PPRC1: variants seen among roughly 807,000 people sequenced by gnomAD.
The protein encoded by PPRC1 is PPARG related coactivator 1, also known as peroxisome proliferator-activated receptor gamma coactivator-related protein 1.
Under a neutral mutation model 132.5 loss-of-function variants are expected in PPRC1, and 23 were observed. That is an observed-to-expected ratio of 0.17 (90% confidence interval 0.12 to 0.25). The LOEUF is 0.25. Ranked by LOEUF, PPRC1 falls within the 10% of genes least tolerant of loss-of-function variation. PPRC1 has a pLI of 1.00. For missense variants in PPRC1, 2,006 were observed against 2,089.1 expected, an observed-to-expected ratio of 0.96 and a Z score of 0.78; for synonymous variants, 872 against 833.5, an observed-to-expected ratio of 1.05 and a Z score of -0.80.
rs373232249 is a variant in PPRC1 at position 102,140,680 on chromosome 10, T to C, written c.2172T>C (p.Pro724=). 1 of 1,614,038 alleles carries C rather than the reference T, an allele frequency of 6.2e-7. No homozygotes were observed. The highest frequency in any genetic ancestry group is 8.5e-7 in the Non-Finnish European group (1 of 1,180,004). Residue 724 remains proline, a synonymous_variant, in exon 5 of 14, where the codon CCT becomes CCC. Transcript: ENST00000278070. ...TGGACCCACCAAAGACCATCATCCC[T>C]GAAGTCAAAGAGGTTGTGGATTCTC... is the stretch of plus-strand genomic sequence containing the variant. ...ESLDPPKTII[P]EVKEVVDSLK... is the part of the protein sequence containing the mutation.
Position 102,139,848 on chromosome 10 carries a change from C to G in PPRC1, c.1340C>G (p.Ala447Gly). The change falls in exon 5 of 14, where the codon GCC becomes GGC. Residue 447 changes from alanine (A) to glycine (G), a missense_variant. Ala to Gly is a moderately conservative substitution (Grantham distance 60, BLOSUM62 0). Around this residue, in one of 2 missense-constraint regions of PPRC1, gnomAD observed 1,914 missense variants for 1,917.2 expected, o/e 1.00. Coordinates refer to ENST00000278070, the MANE Select transcript of PPRC1 (RefSeq NM_015062.5). ...VVPKEPQNPP[A>G]NAAPGSQRAR... is the part of the protein sequence containing the mutation. ...CCCAAGGAGCCTCAGAACCCACCTGCCAATGCAGCACCAGGTTCCCAGAGA... is the reference window on the plus strand; with the variant it reads ...CCCAAGGAGCCTCAGAACCCACCTGGCAATGCAGCACCAGGTTCCCAGAGA... The G allele has an allele frequency of 6.2e-7, 1 of 1,614,206 alleles. No homozygotes were observed. Among genetic ancestry groups the G allele is most frequent in the African/African-American group, 1.3e-5 (1 of 75,062 alleles).
At chr10:102,121,581 C>G in the PPRC1 span, among the ~76,000 whole-genome samples, 1 of 152,170 alleles carries the variant, frequency 6.6e-6, no homozygotes, top group Non-Finnish European at 1.5e-5. Flanking sequence ...GCTTTAGCTG[C>G]CTCATAAACA....
chr10:102,149,129 A>G, intron 12 of PPRC1, 49 bp from the exon 13 acceptor site: 2 of 1,538,802 alleles, frequency 1.3e-6, no homozygotes, highest in Non-Finnish European at 1.8e-6. Context: ...CCTCTATGGC[A>G]TGGGCCCATA....
At chr10:102,149,014 T>C in intron 12 of PPRC1, 76 bp downstream of exon 12, 1 of 1,585,318 alleles carries the variant, frequency 6.3e-7, no homozygotes, top group Non-Finnish European at 8.6e-7. Context: ...TCTTGCCTCC[T>C]TGCTCTGGTG....
In PPRC1 at chr10:102,148,658, C is replaced by T. The variant is rs577384027; in HGVS notation, c.4581C>T (p.Tyr1527=). ...RYSSYRSHDH[Y]QRQRVLQKER... is the part of the protein sequence containing the mutation. ...GCTCTTATCGTTCACATGACCATTA[C>T]CAAAGGCAAAGAGTGCTACAAAAGG... Residue 1527 remains tyrosine (Y), a synonymous_variant, in exon 11 of 14, where the codon TAC becomes TAT. Transcript: ENST00000278070. This position sits in a 1 kb window ranked among gnomAD's most constrained non-coding sequence, Gnocchi z 4.2. 2.5e-5 allele frequency: 40 copies of T among 1,614,126 alleles called. 1 individual carries two copies. In the South Asian group the frequency reaches 4.2e-4, roughly 17 times the overall value.
chr10:102,138,594 C>T (rs774599482), intron 2 of PPRC1, 25 bp from the exon 3 acceptor site: 1 of 1,611,974 alleles, frequency 6.2e-7, no homozygotes, highest in Non-Finnish European at 8.5e-7. Context: ...GTTGGTAGGA[C>T]CTTCTGGTTG....
At chr10:102,120,901 C>G in the PPRC1 span, among the ~76,000 whole-genome samples, 1 of 152,146 alleles carries the variant, frequency 6.6e-6, no homozygotes, top group Non-Finnish European at 1.5e-5. Flanking sequence ...GACCCCCTGT[C>G]CGTGCTCCCT....
chr10:102,142,077 G>A, intron 5 of PPRC1, 73 bp downstream of exon 5: 1 of 1,474,230 alleles, frequency 6.8e-7, no homozygotes, highest in Non-Finnish European at 9.1e-7. Flanking sequence ...AAGCCACCCT[G>A]ATGAGGCTGG....
upstream of PPRC1, among the ~76,000 whole-genome samples, chr10:102,131,746 C>T (rs1208823970): frequency 6.6e-6 from 1 of 152,218 alleles, no homozygotes; most frequent in Non-Finnish European, 1.5e-5. Context: ...CAACCTCCAC[C>T]TCCTGGGTTC....
At position 102,148,400 on chromosome 10, in the gene PPRC1, C is replaced by T; in HGVS notation, c.4429C>T (p.Arg1477Ter). The T allele has an allele frequency of 6.2e-7, 1 of 1,613,236 alleles. No individual in the cohort carries two copies. Among genetic ancestry groups the T allele is most frequent in the Non-Finnish European group, 8.5e-7 (1 of 1,179,612 alleles). ...CAGCTGTAGTTCCTCTGGACGTTCT[C>T]GAAGATGCTCTTCCTCTTCTTCGTC... is the stretch of plus-strand genomic sequence containing the variant. ...RSSCSSSGRS[R>*]RCSSSSSSSS... Residue 1477 changes from arginine to a stop codon, truncating the protein, a stop_gained, in exon 10 of 14, where the codon CGA (arginine) becomes TGA (stop). Transcript: ENST00000278070. LOFTEE classifies it high-confidence loss of function. The surrounding 1 kb of genome is among the most constrained non-coding windows in gnomAD (Gnocchi z 4.2).
At chr10:102,120,721 G>T in the PPRC1 span, among the ~76,000 whole-genome samples, 7 of 152,196 alleles carry the variant, frequency 4.6e-5, no homozygotes, top group African/African-American at 9.6e-5. Context: ...CGAAGGGGAG[G>T]GCTTGGAGGC....
chr10:102,144,009 A>G (rs541861960), intron 6 of PPRC1, among the ~76,000 whole-genome samples: 20 of 152,348 alleles, frequency 1.3e-4, no homozygotes, highest in African/African-American at 4.8e-4. Context: ...CTAGGCTTAT[A>G]CATTTGGACT....
At chr10:102,128,774 C>T (rs1312612281), upstream of PPRC1, among the ~76,000 whole-genome samples, 2 of 151,144 alleles carry the variant, frequency 1.3e-5, no homozygotes, top group Admixed American at 6.6e-5. Context: ...ACCACCATGC[C>T]GGGCTAATTT....
chr10:102,120,389 G>C, the PPRC1 span: 2 of 981,506 alleles, frequency 2.0e-6, no homozygotes, highest in Non-Finnish European at 2.4e-6. Context: ...GCGTGTGTGC[G>C]CGTGTGCGTG....
Position 102,141,855 on chromosome 10 carries a change from C to G in PPRC1, c.3347C>G (p.Pro1116Arg), listed in dbSNP as rs757550823. ...ETRPREKPPL[P>R]ATKAVPTPRQ... ...AGGCCCAGGGAGAAGCCCCCCTTGCCTGCTACCAAGGCTGTTCCCACACCA... is the reference window on the plus strand; with the variant it reads ...AGGCCCAGGGAGAAGCCCCCCTTGCGTGCTACCAAGGCTGTTCCCACACCA... Residue 1116 changes from proline to arginine, a missense_variant, in exon 5 of 14, where the codon CCT becomes CGT. Around this residue, in one of 2 missense-constraint regions of PPRC1, gnomAD observed 1,914 missense variants for 1,917.2 expected, o/e 1.00. Coordinates refer to ENST00000278070, the MANE Select transcript of PPRC1 (RefSeq NM_015062.5). 1 of 1,614,138 alleles carries G rather than the reference C, an allele frequency of 6.2e-7. No individual in the cohort carries two copies. The highest frequency in any genetic ancestry group is 1.7e-5 in the Admixed American group (1 of 60,014).
rs2068577984 is a variant in PPRC1 at position 102,133,066 on chromosome 10, A to G, written c.-3A>G. On this transcript the variant is annotated 5_prime_UTR_variant, in exon 1 of 14. Coordinates refer to ENST00000278070, the MANE Select transcript of PPRC1 (RefSeq NM_015062.5). ...GAGCAGCGCTGGGTGTTCAGGGGCC[A>G]AGATGGCGGCGCGCCGGGGACGGAG... is the stretch of plus-strand genomic sequence containing the variant. The G allele has an allele frequency of 8.1e-7, 1 of 1,241,694 alleles. No homozygotes were observed. Among genetic ancestry groups the G allele is most frequent in the Non-Finnish European group, 1.0e-6 (1 of 987,930 alleles). 76.9% of individuals were successfully genotyped at this position (1,241,694 alleles called of 1,614,324 possible).
rs2069129864 is a variant in PPRC1, at chr10:102,144,425, TTTCCC to T, written c.3608+120_3608+124del. The T allele has an allele frequency of 1.4e-5, 13 of 927,200 alleles. No individual in the cohort carries two copies. The South Asian group carries it at 2.0e-4, about 14-fold the overall frequency. The allele number at this position is 927,200 out of a possible 1,614,324, so 57.4% of individuals were successfully genotyped here. A position where few individuals can be genotyped will look rare whatever the true frequency, so the allele number is the denominator to read the frequency against. The stretch of plus-strand genomic sequence containing the variant: ...GGACGCTGTAGTCAGCTCTAGAGTC[TTTCCC>T]TGTTTCCCCACCCCTTACTCTGCCT... On this transcript the variant is annotated intron_variant, in intron 7 of 13. Transcript: ENST00000278070.
intron 9 of PPRC1, among the ~76,000 whole-genome samples, chr10:102,147,771 TCTG>T (rs1164000499): frequency 6.6e-6 from 1 of 152,230 alleles, no homozygotes; most frequent in Admixed American, 6.5e-5. Context: ...CCCTTAATCA[TCTG>T]CTGAGGAAGG....
chr10:102,150,180 A>ACCCCT lies in PPRC1; in HGVS notation c.*151_*152insCCCCT. 1 of 606,462 alleles carries ACCCCT rather than the reference A, an allele frequency of 1.6e-6. No individual in the cohort carries two copies. The highest frequency in any genetic ancestry group is 1.9e-5 in the African/African-American group (1 of 53,848). The allele number at this position is 606,462 out of a possible 1,614,324, so 37.6% of individuals were successfully genotyped here. On this transcript the variant is annotated 3_prime_UTR_variant, in exon 14 of 14. Transcript: ENST00000278070. Reference sequence around the variant, plus strand: ...TGAAATAAAAAATATGTTGAATCAGATTTTTTAAAAGGGGTATTTGTTTTT... The same window carrying ACCCCT: ...TGAAATAAAAAATATGTTGAATCAGACCCCTTTTTTTAAAAGGGGTATTTGTTTTT...
Sources: gnomAD v4.1 joint callset for allele counts (sites outside exome capture counted in the v4.1 genomes callset) on GRCh38, gnomAD v4.1.1 for gene constraint, gnomAD v4.1.1 regional missense constraint, Gnocchi (gnomAD v3.1) non-coding constraint, MANE v1.5 for transcripts, NCBI Gene and HGNC (gene_info 2026-07-23, HGNC 2026-07-21) for gene names.